Variants in LRP1B observed in about 807,000 individuals in gnomAD.
The protein encoded by LRP1B is LDL receptor related protein 1B, also known as low-density lipoprotein receptor-related protein 1B.
Under a neutral mutation model 556.6 loss-of-function variants are expected in LRP1B, and 217 were observed. The observed-to-expected ratio is 0.39, with a 90% CI of 0.35 to 0.44. LRP1B has a LOEUF of 0.44. Ranked by LOEUF, LRP1B falls within the 20% of genes least tolerant of loss-of-function variation. LRP1B has a pLI of 1.00. For synonymous variants in LRP1B, 2,047 were observed against 1,865.8 expected, an observed-to-expected ratio of 1.10 and a Z score of -2.50; for missense variants, 5,053 against 5,620.8, an observed-to-expected ratio of 0.90 and a Z score of 3.23.
intron 5 of LRP1B, among the ~76,000 whole-genome samples, chr2:141,236,338 A>G (rs141699114): frequency 0.014 from 2,083 of 152,230 alleles, 51 homozygotes; most frequent in African/African-American, 0.048. Flanking sequence ...GCATTATGTT[A>G]AGTGAAATAA....
intron 1 of LRP1B, among the ~76,000 whole-genome samples, chr2:142,086,166 C>A (rs145223319): frequency 6.6e-6 from 1 of 151,994 alleles, no homozygotes; most frequent in Non-Finnish European, 1.5e-5. Flanking sequence ...TTTCCAAGTG[C>A]GAAAATGTGT....
At chr2:140,283,907 T>C (rs1683018737) in intron 84 of LRP1B, among the ~76,000 whole-genome samples, 1 of 151,752 alleles carries the variant, frequency 6.6e-6, no homozygotes, top group African/African-American at 2.4e-5. Context: ...GGTAAAGTCA[T>C]CTGAGACTTG....
chr2:140,721,254 GCT>G (rs968269916), intron 35 of LRP1B, among the ~76,000 whole-genome samples: 67 of 151,986 alleles, frequency 4.4e-4, no homozygotes, highest in African/African-American at 1.6e-3. Context: ...ACTTTAATTA[GCT>G]CTGTTTGTCT....
chr2:141,285,313 T>C (rs1030864263), intron 3 of LRP1B, among the ~76,000 whole-genome samples: 4 of 151,798 alleles, frequency 2.6e-5, no homozygotes, highest in African/African-American at 9.7e-5. Flanking sequence ...GGTCTCGAAC[T>C]CCTGACCTCG....
intron 31 of LRP1B, among the ~76,000 whole-genome samples, chr2:140,817,690 A>G (rs1691173062): frequency 6.6e-6 from 1 of 152,082 alleles, no homozygotes; most frequent in Non-Finnish European, 1.5e-5. Context: ...GTGTTGTTAC[A>G]ATTAAGACTA....
At chr2:141,852,372 G>T (rs1390036793) in intron 1 of LRP1B, among the ~76,000 whole-genome samples, 1 of 151,640 alleles carries the variant, frequency 6.6e-6, no homozygotes, top group African/African-American at 2.4e-5. Flanking sequence ...AGGATAAAGT[G>T]ATCTTTCTAA....
At position 142,130,961 on chromosome 2, in the gene LRP1B, G is replaced by A. The variant is rs1707832040; in HGVS notation, c.-232C>T. 5 of 579,994 alleles carry A rather than the reference G, an allele frequency of 8.6e-6. No individual in the cohort carries two copies. Among genetic ancestry groups the A allele is most frequent in the South Asian group, 5.9e-5 (3 of 51,060 alleles). The allele number at this position is 579,994 out of a possible 1,614,324, so 35.9% of individuals were successfully genotyped here. On this transcript the variant is annotated 5_prime_UTR_variant, in exon 1 of 91. Coordinates refer to ENST00000389484, the MANE Select transcript of LRP1B (RefSeq NM_018557.3). ...GTGCGGGAGAGAGGAGGCAGAGCGTGTGTGAGCGCGAGCGAGACGCCCGTG... is the reference window on the plus strand; with the variant it reads ...GTGCGGGAGAGAGGAGGCAGAGCGTATGTGAGCGCGAGCGAGACGCCCGTG...
At chr2:140,817,308 C>T (rs187553356) in intron 31 of LRP1B, among the ~76,000 whole-genome samples, 58 of 151,590 alleles carry the variant, frequency 3.8e-4, no homozygotes, top group Non-Finnish European at 6.6e-4. Context: ...GATCCAATAA[C>T]ATAATAAGTA....
chr2:140,829,266 A>G (rs985461668), intron 31 of LRP1B, among the ~76,000 whole-genome samples: 4 of 152,280 alleles, frequency 2.6e-5, no homozygotes, highest in Admixed American at 6.5e-5. Flanking sequence ...GTTAAACTAC[A>G]CTCTAGACCA....
intron 2 of LRP1B, among the ~76,000 whole-genome samples, chr2:141,589,679 T>C (rs1687268465): frequency 6.6e-6 from 1 of 152,198 alleles, no homozygotes; most frequent in Non-Finnish European, 1.5e-5. Flanking sequence ...GACTTTGTGG[T>C]TGCAATTTGA....
intron 41 of LRP1B, among the ~76,000 whole-genome samples, chr2:140,689,902 TG>T (rs1344828257): frequency 1.3e-5 from 2 of 152,178 alleles, no homozygotes; most frequent in Non-Finnish European, 1.5e-5. Flanking sequence ...CATGATGTAC[TG>T]GGGCAGTCTC....
At chr2:140,241,431 A>C (rs1159838833) in intron 87 of LRP1B, among the ~76,000 whole-genome samples, 1 of 150,850 alleles carries the variant, frequency 6.6e-6, no homozygotes, top group African/African-American at 2.4e-5. Context: ...GGGTATATAA[A>C]ATTTATTTTC....
intron 23 of LRP1B, among the ~76,000 whole-genome samples, chr2:140,886,825 C>A (rs1484899092): frequency 6.6e-6 from 1 of 152,026 alleles, no homozygotes; most frequent in African/African-American, 2.4e-5. Flanking sequence ...GGAGTGCTTC[C>A]ATTAAGAGAC....
intron 41 of LRP1B, among the ~76,000 whole-genome samples, chr2:140,689,610 C>T (rs1397995383): frequency 1.3e-5 from 2 of 152,184 alleles, no homozygotes; most frequent in Admixed American, 6.5e-5. Context: ...GCTTACTTGG[C>T]AGTGATCTAA....
chr2:141,258,159 C>A (rs978554871), intron 3 of LRP1B, among the ~76,000 whole-genome samples: 2 of 152,150 alleles, frequency 1.3e-5, no homozygotes, highest in African/African-American at 4.8e-5. Flanking sequence ...TATTCCTCAC[C>A]ATTATAAAAT....
chr2:141,193,668 C>T (rs1255131916), intron 6 of LRP1B, among the ~76,000 whole-genome samples: 2 of 151,162 alleles, frequency 1.3e-5, no homozygotes, highest in East Asian at 2.0e-4. Flanking sequence ...TACAACAAAC[C>T]CCCATAACAC....
intron 2 of LRP1B, among the ~76,000 whole-genome samples, chr2:141,767,678 G>A (rs1694770807): frequency 6.6e-6 from 1 of 152,138 alleles, no homozygotes; most frequent in South Asian, 2.1e-4. Flanking sequence ...AACAGTGTGA[G>A]TTCAATATAT....
At chr2:141,381,382 T>C (rs1453223376) in intron 3 of LRP1B, among the ~76,000 whole-genome samples, 1 of 144,858 alleles carries the variant, frequency 6.9e-6, no homozygotes, top group East Asian at 2.1e-4. Context: ...AAAAACAGAA[T>C]GAAAAAGAGT....
chr2:141,422,657 G>A (rs950866130), intron 3 of LRP1B, among the ~76,000 whole-genome samples: 1 of 152,010 alleles, frequency 6.6e-6, no homozygotes, highest in African/African-American at 2.4e-5. Context: ...TTACGTACAT[G>A]TCTTTTCTCA....
Sources: allele counts gnomAD v4.1 joint callset (sites outside exome capture counted in the v4.1 genomes callset), GRCh38; gene constraint gnomAD v4.1.1; transcripts MANE v1.5; gene names NCBI Gene and HGNC (gene_info 2026-07-23, HGNC 2026-07-21).